The following CDH13 variants were observed in gnomAD, a reference collection of about 807,000 sequenced individuals.
CDH13 encodes the protein cadherin 13, also known as cadherin-13.
In CDH13, 24 loss-of-function variants were observed where a neutral mutation model predicts 63.8. That is an observed-to-expected ratio of 0.38 (90% CI 0.27 to 0.53). CDH13 has a LOEUF of 0.53. CDH13 is among the 20% of genes least tolerant of loss of function. The probability of loss-of-function intolerance (pLI) is 0.85; values close to 1 mark genes in which losing one functional copy is unlikely to be tolerated. For synonymous variants in CDH13, 503 were observed against 355.3 expected (o/e 1.42, Z -4.67); for missense variants, 1,049 against 903.1 (o/e 1.16, Z -2.07).
At chr16:83,677,811 C>G (rs1004886676) in intron 9 of CDH13, among the ~76,000 whole-genome samples, 1 of 152,020 alleles carries the variant, frequency 6.6e-6, no homozygotes, top group Non-Finnish European at 1.5e-5. Context: ...TTACAGGTTC[C>G]AGGCAGGGAG....
chr16:82,627,337 CGT>C (rs71146081), intron 1 of CDH13, among the ~76,000 whole-genome samples, 200 bp downstream of exon 1: 8,914 of 131,132 alleles, frequency 0.068, 347 homozygotes, highest in African/African-American at 0.08. Context: ...CTCTGGCGTG[CGT>C]GTGTGTGTGT....
intron 1 of CDH13, among the ~76,000 whole-genome samples, chr16:82,736,210 G>T (rs920647047): frequency 6.6e-6 from 1 of 152,152 alleles, no homozygotes; most frequent in Non-Finnish European, 1.5e-5. Flanking sequence ...CTGCTTTGAT[G>T]GAAGAACACC....
intron 7 of CDH13, among the ~76,000 whole-genome samples, chr16:83,585,027 C>T (rs1159946337): frequency 6.6e-6 from 1 of 152,196 alleles, no homozygotes; most frequent in African/African-American, 2.4e-5. Context: ...CCACCTCCAA[C>T]ACTGGGGGTT....
At chr16:83,021,098 G>T (rs1915306742) in intron 2 of CDH13, among the ~76,000 whole-genome samples, 1 of 152,126 alleles carries the variant, frequency 6.6e-6, no homozygotes, top group Non-Finnish European at 1.5e-5. Flanking sequence ...TCCGAGATTT[G>T]GTGATTCTCA....
intron 6 of CDH13, among the ~76,000 whole-genome samples, chr16:83,353,163 G>C (rs780942811): frequency 1.3e-5 from 2 of 152,216 alleles, no homozygotes; most frequent in Non-Finnish European, 2.9e-5. Context: ...AAGCCAAGAC[G>C]TCAGCACTCT....
intron 7 of CDH13, among the ~76,000 whole-genome samples, chr16:83,530,366 A>G (rs1405604091): frequency 6.6e-6 from 1 of 152,140 alleles, no homozygotes. Flanking sequence ...CATATTAGAC[A>G]CCTTCTTACA....
chr16:83,608,641 A>G (rs982886377), intron 8 of CDH13, among the ~76,000 whole-genome samples: 1 of 148,610 alleles, frequency 6.7e-6, no homozygotes, highest in Admixed American at 6.7e-5. Flanking sequence ...ATACACCACC[A>G]TGTCTGGCTA....
At chr16:82,730,256 T>C (rs573401124) in intron 1 of CDH13, among the ~76,000 whole-genome samples, 5 of 152,364 alleles carry the variant, frequency 3.3e-5, no homozygotes, top group African/African-American at 7.2e-5. Context: ...CAACATACTT[T>C]CCTCACTAAG....
intron 2 of CDH13, among the ~76,000 whole-genome samples, chr16:83,002,586 G>A (rs994973995): frequency 6.6e-6 from 1 of 152,212 alleles, no homozygotes; most frequent in Non-Finnish European, 1.5e-5. Context: ...ATTCTCGCTT[G>A]GTGCAGACAG....
At chr16:82,981,827 C>G (rs1363873059) in intron 2 of CDH13, among the ~76,000 whole-genome samples, 1 of 152,152 alleles carries the variant, frequency 6.6e-6, no homozygotes, top group East Asian at 1.9e-4. Flanking sequence ...CAACAGCTAC[C>G]AGTGGCTTCC....
intron 11 of CDH13, among the ~76,000 whole-genome samples, chr16:83,758,954 A>G (rs550060582): frequency 1.4e-4 from 21 of 152,338 alleles, no homozygotes; most frequent in East Asian, 5.8e-4. Context: ...TTGAAATGAC[A>G]ATTCTTTTCA....
chr16:82,839,037 T>A (rs954380927), intron 1 of CDH13, among the ~76,000 whole-genome samples: 4 of 152,250 alleles, frequency 2.6e-5, no homozygotes, highest in Admixed American at 2.0e-4. Context: ...TGAGCATGGT[T>A]GTGTTCCAAT....
intron 8 of CDH13, among the ~76,000 whole-genome samples, chr16:83,625,649 G>A (rs1333110140): frequency 6.6e-6 from 1 of 152,180 alleles, no homozygotes; most frequent in African/African-American, 2.4e-5. Context: ...CGAAAAAGTG[G>A]TGGGTCTCAT....
At chr16:83,743,959 A>C (rs564878468) in intron 10 of CDH13, among the ~76,000 whole-genome samples, 1 of 151,810 alleles carries the variant, frequency 6.6e-6, no homozygotes, top group African/African-American at 2.4e-5. Context: ...CTGGTGCTAC[A>C]TTCCAGCTCT....
chr16:83,272,800 T>C (rs552372476), intron 5 of CDH13, among the ~76,000 whole-genome samples: 1 of 152,304 alleles, frequency 6.6e-6, no homozygotes, highest in South Asian at 2.1e-4. Flanking sequence ...GTGGGAAATG[T>C]GGTCTGTTGA....
At chr16:83,466,178 G>A (rs958884602) in intron 6 of CDH13, among the ~76,000 whole-genome samples, 23 of 152,138 alleles carry the variant, frequency 1.5e-4, no homozygotes, top group African/African-American at 2.9e-4. Context: ...CGCTGTTTCC[G>A]TTTAAGCATG....
chr16:83,112,308 A>C (rs2035094928), intron 3 of CDH13, among the ~76,000 whole-genome samples: 1 of 152,248 alleles, frequency 6.6e-6, no homozygotes, highest in South Asian at 2.1e-4. Flanking sequence ...CTGTGTGAAG[A>C]CATTCAGAGA....
intron 2 of CDH13, among the ~76,000 whole-genome samples, chr16:82,933,058 C>G (rs994049079): frequency 2.0e-5 from 3 of 151,972 alleles, no homozygotes; most frequent in Non-Finnish European, 4.4e-5. Context: ...AAGGGGTTTG[C>G]ATGAATCTTT....
chr16:83,497,125 T>A (rs2074164409), intron 7 of CDH13, among the ~76,000 whole-genome samples: 1 of 152,166 alleles, frequency 6.6e-6, no homozygotes, highest in African/African-American at 2.4e-5. Flanking sequence ...GATCTAGAAC[T>A]GGAAGTACCA....
Sources: allele counts gnomAD v4.1 joint callset (sites outside exome capture counted in the v4.1 genomes callset), GRCh38; gene constraint gnomAD v4.1.1; transcripts MANE v1.5; gene names NCBI Gene and HGNC (gene_info 2026-07-23, HGNC 2026-07-21).